Variants in CA12 observed in about 807,000 individuals in gnomAD.
The protein encoded by CA12 is carbonate dehydratase XII.
CA12 carries 36 observed loss-of-function variants against 46.8 expected under a neutral mutation model. The observed-to-expected ratio is 0.77, with a 90% CI of 0.59 to 1.02. The LOEUF (loss-of-function observed/expected upper bound fraction) is 1.02. Ranked by LOEUF, CA12 falls within the 50% of genes least tolerant of loss-of-function variation. The probability of loss-of-function intolerance (pLI) is 0.00; values close to 1 mark genes in which losing one functional copy is unlikely to be tolerated. For missense variants in CA12, 436 were observed against 451.4 expected, an observed-to-expected ratio of 0.97 and a Z score of 0.31; for synonymous variants, 202 against 187.0, an observed-to-expected ratio of 1.08 and a Z score of -0.65.
At chr15:63,336,897 A>G (rs938512656) in intron 8 of CA12, among the ~76,000 whole-genome samples, 12 of 152,192 alleles carry the variant, frequency 7.9e-5, no homozygotes, top group African/African-American at 1.4e-4. Flanking sequence ...GCAAAATTCT[A>G]TCTGATCTAT....
Position 63,345,417 on chromosome 15 carries a change from G to A in CA12, c.429+60C>T, listed in dbSNP as rs1482109951. The A allele has an allele frequency of 1.0e-5, 16 of 1,593,790 alleles. No homozygotes were observed. The highest frequency in any genetic ancestry group is 2.2e-5 in the South Asian group (2 of 90,402). On this transcript the variant is annotated intron_variant, in intron 4 of 10. Coordinates refer to ENST00000178638, the MANE Select transcript of CA12 (RefSeq NM_001218.5). This position sits in a 1 kb window ranked among gnomAD's most constrained non-coding sequence, Gnocchi z 4.3. ...GTGTTATCTGCACAGCAGCCAGGTC[G>A]AGAAGGTGCCACACCACCCACTGCA...
intron 2 of CA12, among the ~76,000 whole-genome samples, chr15:63,361,663 C>T (rs1313042687): frequency 2.0e-5 from 3 of 152,120 alleles, no homozygotes; most frequent in African/African-American, 7.2e-5. Context: ...TGCCCCACAG[C>T]GGAGGTTGAT....
chr15:63,378,300 A>G lies in CA12; in HGVS notation c.86-2622T>C, dbSNP rs550384040. ...CTGCTGGGGAGGCTGAGGCAGGAGA[A>G]TTGCTTGAACCCGGGAGGCGGAGGT... On this transcript the variant is annotated intron_variant, in intron 1 of 10. Coordinates refer to ENST00000178638, the MANE Select transcript of CA12 (RefSeq NM_001218.5). The surrounding 1 kb of genome is among the most constrained non-coding windows in gnomAD (Gnocchi z 4.8). Among the ~76,000 whole-genome samples, 7 of 152,150 alleles carry G rather than the reference A, an allele frequency of 4.6e-5. No homozygotes were observed. The highest frequency in any genetic ancestry group is 1.3e-4 in the Admixed American group (2 of 15,282).
chr15:63,367,612 G>A (rs938226605), intron 2 of CA12, among the ~76,000 whole-genome samples: 1 of 152,180 alleles, frequency 6.6e-6, no homozygotes, highest in Non-Finnish European at 1.5e-5. Context: ...TCTGAGAACT[G>A]GATGGGTTGC....
At chr15:63,334,639 G>A (rs2038976947) in intron 8 of CA12, among the ~76,000 whole-genome samples, 1 of 151,932 alleles carries the variant, frequency 6.6e-6, no homozygotes, top group Non-Finnish European at 1.5e-5. Context: ...TTAACTAAAG[G>A]CAACAAGAAA....
chr15:63,358,667 T>G (rs1473340640), intron 2 of CA12, among the ~76,000 whole-genome samples: 1 of 152,200 alleles, frequency 6.6e-6, no homozygotes, highest in Non-Finnish European at 1.5e-5. Flanking sequence ...TCGGGGTATC[T>G]AATTTGAATG....
chr15:63,336,125 C>A (rs530935787), intron 8 of CA12, among the ~76,000 whole-genome samples: 12 of 152,278 alleles, frequency 7.9e-5, no homozygotes, highest in African/African-American at 2.6e-4. Context: ...CTGGGCAAAC[C>A]GTGGAGGAAG....
intron 4 of CA12, among the ~76,000 whole-genome samples, chr15:63,344,516 CAGGGA>C (rs2039120748): frequency 6.6e-6 from 1 of 152,236 alleles, no homozygotes. Flanking sequence ...TCTTGAGCTT[CAGGGA>C]AGGGCCGCTC....
At chr15:63,381,600 C>A in intron 1 of CA12, 36 bp downstream of exon 1, 2 of 1,574,180 alleles carry the variant, frequency 1.3e-6, no homozygotes, top group East Asian at 2.3e-5. Flanking sequence ...GCTGAGCGCT[C>A]AGGAGTGTTA....
In CA12 at chr15:63,325,362, A is replaced by C. The variant is rs1042373825; in HGVS notation, c.*923T>G. ...TCGGAACTCATGTCTCCTCCAGGAC[A>C]CAGCAACAACACATTTTCAAGGAAC... On this transcript the variant is annotated 3_prime_UTR_variant, in exon 11 of 11. Coordinates refer to ENST00000178638, the MANE Select transcript of CA12 (RefSeq NM_001218.5). This position sits in a 1 kb window ranked among gnomAD's most constrained non-coding sequence, Gnocchi z 4.9. 1 of 152,228 alleles carries C rather than the reference A, an allele frequency of 6.6e-6. No homozygotes were observed. The highest frequency in any genetic ancestry group is 2.4e-5 in the African/African-American group (1 of 41,450). The allele number at this position is 152,228 out of a possible 1,614,324, so 9.4% of individuals were successfully genotyped here. A position where few individuals can be genotyped will look rare whatever the true frequency, so the allele number is the denominator to read the frequency against.
At chr15:63,363,472 C>T (rs919061632) in intron 2 of CA12, among the ~76,000 whole-genome samples, 1 of 152,210 alleles carries the variant, frequency 6.6e-6, no homozygotes, top group Non-Finnish European at 1.5e-5. Context: ...GCTGTGGAGA[C>T]GCTGACCCCT....
intron 8 of CA12, among the ~76,000 whole-genome samples, chr15:63,332,385 C>T (rs537717814): frequency 5.9e-5 from 9 of 152,216 alleles, no homozygotes; most frequent in Admixed American, 1.3e-4. Context: ...TGGTTTTATA[C>T]AGCTATGATG....
chr15:63,340,632 C>T lies in CA12; in HGVS notation c.589+88G>A. 1.4e-6 allele frequency: 2 copies of T among 1,441,482 alleles called. No individual in the cohort carries two copies. Among genetic ancestry groups the T allele is most frequent in the Non-Finnish European group, 9.8e-7 (1 of 1,023,246 alleles). 89.3% of individuals were successfully genotyped at this position (1,441,482 alleles called of 1,614,324 possible). On this transcript the variant is annotated intron_variant, in intron 6 of 10. Transcript: ENST00000178638. The surrounding 1 kb of genome is among the most constrained non-coding windows in gnomAD (Gnocchi z 4.4). Reference sequence around the variant, plus strand: ...ACCTGGTGAACACAGACAGCACCTGCCCCTTGTGTTTGCTTTTCTTAAAGT... The same window carrying T: ...ACCTGGTGAACACAGACAGCACCTGTCCCTTGTGTTTGCTTTTCTTAAAGT...
At chr15:63,336,362 C>A (rs2039003803) in intron 8 of CA12, among the ~76,000 whole-genome samples, 1 of 152,150 alleles carries the variant, frequency 6.6e-6, no homozygotes, top group South Asian at 2.1e-4. Flanking sequence ...TCCATCGTTA[C>A]AAGCGGGGGT....
At chr15:63,375,473 G>A (rs2039558258) in intron 2 of CA12, 185 bp downstream of exon 2, 2 of 559,202 alleles carry the variant, frequency 3.6e-6, no homozygotes, top group South Asian at 2.3e-5. Context: ...TGGAGAAAGT[G>A]CAGTATGCAA....
Position 63,327,272 on chromosome 15 carries a change from T to C in CA12, c.908-39A>G. The C allele has an allele frequency of 6.5e-7, 1 of 1,538,164 alleles. No individual in the cohort carries two copies. The highest frequency in any genetic ancestry group is 9.0e-7 in the Non-Finnish European group (1 of 1,115,854). ...AGAGGGCACACATTACATTCCTTCC[T>C]TCCCCTCCATCTTAGCCCATGGCCC... On this transcript the variant is annotated intron_variant, in intron 9 of 10. Coordinates refer to ENST00000178638, the MANE Select transcript of CA12 (RefSeq NM_001218.5). This position sits in a 1 kb window ranked among gnomAD's most constrained non-coding sequence, Gnocchi z 4.5.
intron 2 of CA12, among the ~76,000 whole-genome samples, chr15:63,358,632 C>A (rs188813921): frequency 3.3e-4 from 51 of 152,276 alleles, no homozygotes; most frequent in Admixed American, 2.6e-4. Context: ...CTTGATTTGG[C>A]ATTTAGACAG....
At chr15:63,335,504 C>T (rs149522477) in intron 8 of CA12, among the ~76,000 whole-genome samples, 2 of 151,566 alleles carry the variant, frequency 1.3e-5, no homozygotes, top group African/African-American at 4.8e-5. Flanking sequence ...CACTCTGTCA[C>T]CCAAGCTGGA....
chr15:63,352,430 T>C (rs781064153), intron 2 of CA12, among the ~76,000 whole-genome samples: 8 of 152,012 alleles, frequency 5.3e-5, no homozygotes, highest in African/African-American at 1.9e-4. Flanking sequence ...AGAAGGAAGG[T>C]TGGAGACAGA....
Sources: allele counts gnomAD v4.1 joint callset (sites outside exome capture counted in the v4.1 genomes callset), GRCh38; gene constraint gnomAD v4.1.1; non-coding constraint Gnocchi (gnomAD v3.1); transcripts MANE v1.5; gene names NCBI Gene and HGNC (gene_info 2026-07-23, HGNC 2026-07-21).